The following SEMA6D variants were observed in gnomAD, a reference collection of about 807,000 sequenced individuals.
SEMA6D encodes the protein semaphorin 6D, also known as semaphorin-6D.
SEMA6D carries 35 observed loss-of-function variants against 106.6 expected under a neutral mutation model. The ratio of observed to expected loss-of-function variants is 0.33; its 90% CI spans 0.25 to 0.44. SEMA6D has a LOEUF of 0.44. Among genes scored for constraint, SEMA6D ranks in the 20% least tolerant of loss-of-function variants. The pLI is 1.00. For missense variants in SEMA6D, 1,185 were observed against 1,345.9 expected, an observed-to-expected ratio of 0.88 and a Z score of 1.87; for synonymous variants, 499 against 487.7, an observed-to-expected ratio of 1.02 and a Z score of -0.31.
intron 3 of SEMA6D, among the ~76,000 whole-genome samples, chr15:47,489,762 C>A (rs758325135): frequency 6.6e-5 from 10 of 152,076 alleles, no homozygotes; most frequent in Admixed American, 1.3e-4. Context: ...AGCGATTCTC[C>A]TGCCTCAGCC....
chr15:47,421,116 T>A (rs1351691611), intron 2 of SEMA6D, among the ~76,000 whole-genome samples: 2 of 152,128 alleles, frequency 1.3e-5, no homozygotes, highest in African/African-American at 4.8e-5. Flanking sequence ...TCTTAACAGT[T>A]AAAATTATTC....
intron 3 of SEMA6D, among the ~76,000 whole-genome samples, chr15:47,536,665 G>T (rs576693643): frequency 6.6e-6 from 1 of 152,238 alleles, no homozygotes; most frequent in Non-Finnish European, 1.5e-5. Context: ...TATGAATATT[G>T]AGAAAATAAA....
chr15:47,319,733 C>T (rs1021674257), intron 1 of SEMA6D, among the ~76,000 whole-genome samples: 2 of 152,010 alleles, frequency 1.3e-5, no homozygotes, highest in South Asian at 2.1e-4. Flanking sequence ...CAAAATGGTT[C>T]CCTTTCTCGT....
intron 3 of SEMA6D, among the ~76,000 whole-genome samples, chr15:47,570,739 A>C (rs2046358782): frequency 6.6e-6 from 1 of 152,174 alleles, no homozygotes; most frequent in African/African-American, 2.4e-5. Flanking sequence ...CTGTTCCTCA[A>C]TGCAAGACAA....
chr15:47,277,193 T>C (rs1378644432), intron 1 of SEMA6D, among the ~76,000 whole-genome samples: 1 of 152,132 alleles, frequency 6.6e-6, no homozygotes, highest in Non-Finnish European at 1.5e-5. Context: ...GGTGAAGATG[T>C]TATGAACATT....
At chr15:47,422,180 G>GCCTT (rs68039702) in intron 2 of SEMA6D, among the ~76,000 whole-genome samples, 9,300 of 112,702 alleles carry the variant, frequency 0.083, 456 homozygotes, top group Middle Eastern at 0.093. Context: ...CCGCCTGCCT[G>GCCTT]CCTTCCTTCC....
intron 4 of SEMA6D, among the ~76,000 whole-genome samples, chr15:47,682,317 G>A (rs537905152): frequency 2.6e-5 from 4 of 152,126 alleles, no homozygotes; most frequent in South Asian, 2.1e-4. Context: ...ACAGGTGCCC[G>A]CCACCGCGCC....
rs150968543 is a variant in SEMA6D, at chr15:47,238,624, C to T, written c.-239+54206C>T. ...TTTTGCCCATAGTTGAAATTCAATA[C>T]GTGATTGTCAAAGTGAAAAGTTAAA... is the stretch of plus-strand genomic sequence containing the variant. On this transcript the variant is annotated intron_variant, in intron 1 of 19. Transcript: ENST00000558014. 4.4e-3 allele frequency among the ~76,000 whole-genome samples: 665 copies of T among 151,950 alleles called. 4 individuals are homozygous for T. Among genetic ancestry groups the T allele is most frequent in the Middle Eastern group, 0.017 (5 of 292 alleles).
In SEMA6D at chr15:47,550,171, T is replaced by C. The variant is rs146409217; in HGVS notation, c.-86-50694T>C. The stretch of plus-strand genomic sequence containing the variant: ...GAGTGAGCAAAAGTGATTGAAAAAA[T>C]GAATTTTAGAATTAGGGTTTCCTTT... On this transcript the variant is annotated intron_variant, in intron 3 of 19. Transcript: ENST00000558014. 1.1e-4 allele frequency among the ~76,000 whole-genome samples: 16 copies of C among 152,240 alleles called. 1 individual carries two copies. The Middle Eastern group carries it at 0.014, about 129-fold the overall frequency.
Position 47,466,678 on chromosome 15 carries a change from G to A in SEMA6D, c.-158-3796G>A, listed in dbSNP as rs986704508. On this transcript the variant is annotated intron_variant, in intron 2 of 19. Coordinates refer to the SEMA6D transcript ENST00000558014. ...ATTTCATTTCCTTTGAATATATACC[G>A]AGAAGTGGAATTGCTAGACTGTATG... Among the ~76,000 whole-genome samples, 7 of 151,090 alleles carry A rather than the reference G, an allele frequency of 4.6e-5. No homozygotes were observed. In the East Asian group the frequency reaches 9.7e-4, roughly 21 times the overall value.
chr15:47,758,313 A>T (rs1348998778), intron 1 of SEMA6D, among the ~76,000 whole-genome samples: 3 of 152,186 alleles, frequency 2.0e-5, no homozygotes, highest in African/African-American at 7.2e-5. Context: ...CACCTGGTTT[A>T]GTGGTTGGAC....
At chr15:47,268,623 C>G in intron 1 of SEMA6D, among the ~76,000 whole-genome samples, 1 of 152,252 alleles carries the variant, frequency 6.6e-6, no homozygotes, top group East Asian at 1.9e-4. Flanking sequence ...CCAGCACTTA[C>G]GCCCATCTCC....
At chr15:47,428,885 G>C (rs1303131619) in intron 2 of SEMA6D, among the ~76,000 whole-genome samples, 1 of 151,446 alleles carries the variant, frequency 6.6e-6, no homozygotes, top group Non-Finnish European at 1.5e-5. Flanking sequence ...TTATGTAATT[G>C]GATAAATAGA....
rs775051657 is a variant in SEMA6D, at chr15:47,392,375, A to G, written c.-238-20018A>G. ...GTGATTAAATTGAGGATCCTGAGGTAGGGAGATGATCCTGGATTACCTGGG... is the reference window on the plus strand; with the variant it reads ...GTGATTAAATTGAGGATCCTGAGGTGGGGAGATGATCCTGGATTACCTGGG... On this transcript the variant is annotated intron_variant, in intron 1 of 19. Transcript: ENST00000558014. Among the ~76,000 whole-genome samples the G allele has an allele frequency of 1.3e-3, 200 of 152,206 alleles. 1 individual carries two copies. Among genetic ancestry groups the G allele is most frequent in the Non-Finnish European group, 2.1e-3 (142 of 68,020 alleles).
At chr15:47,261,919 T>G (rs995151851) in intron 1 of SEMA6D, among the ~76,000 whole-genome samples, 1 of 152,150 alleles carries the variant, frequency 6.6e-6, no homozygotes, top group African/African-American at 2.4e-5. Context: ...TGTTTTTCTA[T>G]TTATCAGGTG....
At chr15:47,399,109 T>C (rs2040314019) in intron 1 of SEMA6D, among the ~76,000 whole-genome samples, 2 of 152,234 alleles carry the variant, frequency 1.3e-5, no homozygotes, top group South Asian at 4.1e-4. Flanking sequence ...TATAAACTTC[T>C]ATATATTTCC....
At chr15:47,547,542 A>G (rs1207189064) in intron 3 of SEMA6D, among the ~76,000 whole-genome samples, 1 of 152,152 alleles carries the variant, frequency 6.6e-6, no homozygotes, top group Non-Finnish European at 1.5e-5. Flanking sequence ...TTGGTTTTTA[A>G]CTTTTTTTTA....
At chr15:47,233,289 T>C (rs945426036) in intron 1 of SEMA6D, among the ~76,000 whole-genome samples, 1 of 152,024 alleles carries the variant, frequency 6.6e-6, no homozygotes, top group Non-Finnish European at 1.5e-5. Flanking sequence ...ATTCCACTGA[T>C]CTCTATGTCT....
At chr15:47,431,895 CA>C (rs1392522001) in intron 2 of SEMA6D, among the ~76,000 whole-genome samples, 2 of 152,024 alleles carry the variant, frequency 1.3e-5, no homozygotes, top group African/African-American at 4.8e-5. Context: ...TTATTTATTT[CA>C]TAAGTGTCTT....
Sources: gnomAD v4.1 joint callset for allele counts (sites outside exome capture counted in the v4.1 genomes callset) on GRCh38, gnomAD v4.1.1 for gene constraint, MANE v1.5 for transcripts, NCBI Gene and HGNC (gene_info 2026-07-23, HGNC 2026-07-21) for gene names.